ZMAT5: variants seen among roughly 807,000 people sequenced by gnomAD.
ZMAT5 encodes zinc finger matrin-type protein 5.
In ZMAT5, 23 loss-of-function variants were observed where a neutral mutation model predicts 28.0. The observed-to-expected ratio is 0.82, with a 90% CI of 0.59 to 1.16. ZMAT5 has a LOEUF of 1.16. Ranked by LOEUF, ZMAT5 falls within the 50% of genes most tolerant of loss-of-function variation. The probability of loss-of-function intolerance (pLI) is 0.00; values close to 1 mark genes in which losing one functional copy is unlikely to be tolerated. For synonymous variants in ZMAT5, 76 were observed against 84.1 expected (o/e 0.90, Z 0.52); for missense variants, 173 against 212.7 (o/e 0.81, Z 1.16).
chr22:29,765,121 T>G (rs1253006261), intron 1 of ZMAT5, among the ~76,000 whole-genome samples: 2 of 152,052 alleles, frequency 1.3e-5, no homozygotes. Context: ...ATTGTTGAGG[T>G]CAAAACTTAG....
At chr22:29,757,113 G>A (rs1333890762) in intron 1 of ZMAT5, among the ~76,000 whole-genome samples, 3 of 151,748 alleles carry the variant, frequency 2.0e-5, no homozygotes, top group Non-Finnish European at 4.4e-5. Flanking sequence ...CTGCTTGGGA[G>A]GCTGAGGTGG....
At chr22:29,755,368 G>GGGAGGGAGGGAGGGAGGGA (rs1569340083) in intron 1 of ZMAT5, among the ~76,000 whole-genome samples, 1 of 59,246 alleles carries the variant, frequency 1.7e-5, no homozygotes, top group Non-Finnish European at 2.9e-5. Context: ...GGAGGGAGGG[G>GGGAGGGAGGGAGGGAGGGA]GAGAGAGAGA....
chr22:29,731,855 A>AGTG (rs1382624028), intron 5 of ZMAT5: 2 of 152,412 alleles, frequency 1.3e-5, no homozygotes, highest in African/African-American at 4.8e-5. Flanking sequence ...GTCCTATCTG[A>AGTG]GTGGTGCCAT....
intron 2 of ZMAT5, among the ~76,000 whole-genome samples, chr22:29,745,021 T>C (rs2067996995): frequency 6.6e-6 from 1 of 152,244 alleles, no homozygotes; most frequent in Admixed American, 6.5e-5. Context: ...TAGACATTCA[T>C]CTGCCAAACA....
At chr22:29,731,893 T>C (rs561977289) in intron 5 of ZMAT5, 2 of 152,384 alleles carry the variant, frequency 1.3e-5, no homozygotes, top group Admixed American at 6.5e-5. Flanking sequence ...CTCCTTTATA[T>C]TTCTCAAAAG....
Position 29,755,005 on chromosome 22 carries a change from C to A in ZMAT5, c.-27-6434G>T, listed in dbSNP as rs528095708. 1.3e-3 allele frequency among the ~76,000 whole-genome samples: 191 copies of A among 152,142 alleles called. 1 individual carries two copies. The highest frequency in any genetic ancestry group is 4.5e-3 in the African/African-American group (187 of 41,514). On this transcript the variant is annotated intron_variant, in intron 1 of 5. Coordinates refer to ENST00000344318, the MANE Select transcript of ZMAT5 (RefSeq NM_001003692.2). ...CACACTCTGAACCCCACTTTAAAAT[C>A]GCAGTCAAGGCCGGGCACGGTGGCT...
At chr22:29,734,091 G>A (rs1217294793) in intron 5 of ZMAT5, among the ~76,000 whole-genome samples, 1 of 152,230 alleles carries the variant, frequency 6.6e-6, no homozygotes, top group Non-Finnish European at 1.5e-5. Flanking sequence ...CCAGAGAGGG[G>A]TGCAAAGGAG....
intron 1 of ZMAT5, among the ~76,000 whole-genome samples, chr22:29,749,183 T>A (rs763028758): frequency 6.6e-6 from 1 of 152,018 alleles, no homozygotes; most frequent in Non-Finnish European, 1.5e-5. Context: ...GCTCAAGTGA[T>A]CCTCCCACCT....
chr22:29,737,610 A>AGG (rs1408795819), intron 5 of ZMAT5, among the ~76,000 whole-genome samples: 1 of 152,168 alleles, frequency 6.6e-6, no homozygotes. Context: ...GCGCAGCTTT[A>AGG]TCCCCTTTTC....
intron 3 of ZMAT5, 151 bp downstream of exon 3, chr22:29,742,267 G>A: frequency 1.5e-6 from 1 of 680,950 alleles, no homozygotes; most frequent in Non-Finnish European, 2.6e-6. Flanking sequence ...CACTTGGGAA[G>A]GCCCTGACTG....
At chr22:29,762,875 C>T (rs944809877) in intron 1 of ZMAT5, among the ~76,000 whole-genome samples, 1 of 152,032 alleles carries the variant, frequency 6.6e-6, no homozygotes, top group African/African-American at 2.4e-5. Context: ...AGGGAAATTA[C>T]GTTTTTTAAA....
At chr22:29,759,021 C>T (rs532103713) in intron 1 of ZMAT5, among the ~76,000 whole-genome samples, 1 of 152,148 alleles carries the variant, frequency 6.6e-6, no homozygotes, top group African/African-American at 2.4e-5. Context: ...CCCCTCACCC[C>T]CTGGATGAAG....
chr22:29,757,364 CACA>C (rs1212964875), intron 1 of ZMAT5, among the ~76,000 whole-genome samples: 1 of 151,988 alleles, frequency 6.6e-6, no homozygotes, highest in Non-Finnish European at 1.5e-5. Context: ...TTCCCTTAAA[CACA>C]ACTACTCTAA....
intron 5 of ZMAT5, among the ~76,000 whole-genome samples, chr22:29,733,288 G>A (rs58198399): frequency 0.017 from 2,552 of 152,342 alleles, 76 homozygotes; most frequent in African/African-American, 0.059. Context: ...CCTCTGCAGA[G>A]AGAGAAGGGC....
At chr22:29,743,787 C>A (rs2147223339) in intron 2 of ZMAT5, among the ~76,000 whole-genome samples, 1 of 152,250 alleles carries the variant, frequency 6.6e-6, no homozygotes, top group African/African-American at 2.4e-5. Context: ...GATAGGCAAG[C>A]TATTAATCAG....
intron 1 of ZMAT5, among the ~76,000 whole-genome samples, chr22:29,749,823 G>C (rs898376497): frequency 7.2e-5 from 11 of 152,052 alleles, no homozygotes; most frequent in Non-Finnish European, 1.6e-4. Context: ...GGGGCTCTTC[G>C]TGCTTTGCTC....
chr22:29,762,777 C>A (rs2068169897), intron 1 of ZMAT5, among the ~76,000 whole-genome samples: 4 of 152,172 alleles, frequency 2.6e-5, no homozygotes, highest in Admixed American at 2.6e-4. Flanking sequence ...CATCCTGAAA[C>A]CATCCCCCTC....
chr22:29,760,435 T>G (rs1339519447), intron 1 of ZMAT5, among the ~76,000 whole-genome samples: 4 of 150,980 alleles, frequency 2.6e-5, no homozygotes, highest in African/African-American at 9.8e-5. Flanking sequence ...TCCCAGTTAC[T>G]TGGGAAGCTG....
chr22:29,734,122 G>A (rs1257258240), intron 5 of ZMAT5, among the ~76,000 whole-genome samples: 8 of 152,208 alleles, frequency 5.3e-5, no homozygotes, highest in Non-Finnish European at 7.3e-5. Context: ...GGATAGAGTC[G>A]CAAACTGAAG....
Sources: allele counts gnomAD v4.1 joint callset (sites outside exome capture counted in the v4.1 genomes callset), GRCh38; gene constraint gnomAD v4.1.1; transcripts MANE v1.5; gene names NCBI Gene and HGNC (gene_info 2026-07-23, HGNC 2026-07-21).